The following RBFOX1 variants were observed in gnomAD, a reference collection of about 807,000 sequenced individuals.
RBFOX1 encodes RNA binding protein fox-1 homolog 1.
RBFOX1 carries 8 observed loss-of-function variants against 57.7 expected under a neutral mutation model. The ratio of observed to expected loss-of-function variants is 0.14; its 90% CI spans 0.08 to 0.25. The LOEUF (loss-of-function observed/expected upper bound fraction) is 0.25. RBFOX1 is among the 10% of genes least tolerant of loss of function. The pLI, the probability that RBFOX1 is intolerant of heterozygous loss-of-function variation, is 1.00. For synonymous variants in RBFOX1, 326 were observed against 222.4 expected, an observed-to-expected ratio of 1.47 and a Z score of -4.15; for missense variants, 611 against 548.5, an observed-to-expected ratio of 1.11 and a Z score of -1.14.
intron 1 of RBFOX1, among the ~76,000 whole-genome samples, chr16:6,061,288 T>A (rs2095683029): frequency 6.6e-6 from 1 of 152,114 alleles, no homozygotes; most frequent in South Asian, 2.1e-4. Context: ...ATAACTAAGC[T>A]ATAATAAGCA....
intron 2 of RBFOX1, among the ~76,000 whole-genome samples, chr16:6,553,247 T>C (rs891926418): frequency 1.3e-5 from 2 of 152,202 alleles, no homozygotes; most frequent in African/African-American, 4.8e-5. Context: ...GTCATCACTA[T>C]AAATCAATAG....
intron 5 of RBFOX1, 40 bp downstream of exon 5, chr16:7,518,429 A>G (rs375953811): frequency 1.8e-5 from 29 of 1,569,172 alleles, no homozygotes; most frequent in East Asian, 9.0e-5. Context: ...GGTTATGGGG[A>G]GGCGCCCCCA....
In RBFOX1 at chr16:5,884,895, T is replaced by C. The variant is rs546139071; in HGVS notation, c.351+17560T>C. On this transcript the variant is annotated intron_variant, in intron 4 of 19. Coordinates refer to the RBFOX1 transcript ENST00000641259. ...GGAGTGTCTTTCTCCCATTTTGCCA[T>C]AGTCTGGTGCACTCAGAATCTCTTT... is the stretch of plus-strand genomic sequence containing the variant. Among the ~76,000 whole-genome samples, 7 of 152,282 alleles carry C rather than the reference T, an allele frequency of 4.6e-5. No homozygotes were observed. The East Asian group carries it at 1.4e-3, about 30-fold the overall frequency.
At position 7,035,551 on chromosome 16, in the gene RBFOX1, T is replaced by G. The variant is rs558976931; in HGVS notation, c.-15-16506T>G. ...CACTCAGTTTCTTTCTGAACGCTACTTGTGAAAATATTTTCTTTCTGAAGG... is the reference window on the plus strand; with the variant it reads ...CACTCAGTTTCTTTCTGAACGCTACGTGTGAAAATATTTTCTTTCTGAAGG... On this transcript the variant is annotated intron_variant, in intron 3 of 15. Transcript: ENST00000550418. Among the ~76,000 whole-genome samples, 5 of 152,338 alleles carry G rather than the reference T, an allele frequency of 3.3e-5. No individual in the cohort carries two copies. The South Asian group carries it at 1.0e-3, about 32-fold the overall frequency.
intron 3 of RBFOX1, among the ~76,000 whole-genome samples, chr16:6,709,100 C>T (rs17141016): frequency 3.9e-5 from 6 of 151,972 alleles, no homozygotes; most frequent in Admixed American, 6.6e-5. Context: ...TAAAATAATA[C>T]AGCTTATGTC....
intron 3 of RBFOX1, among the ~76,000 whole-genome samples, chr16:6,843,732 C>T (rs577740282): frequency 2.0e-5 from 3 of 152,102 alleles, no homozygotes; most frequent in Admixed American, 6.6e-5. Context: ...CAGGTAGTTC[C>T]TTTTCACATA....
At chr16:6,706,942 A>G (rs2062858667) in intron 3 of RBFOX1, among the ~76,000 whole-genome samples, 1 of 152,156 alleles carries the variant, frequency 6.6e-6, no homozygotes, top group African/African-American at 2.4e-5. Flanking sequence ...AGTCACTTAA[A>G]AGAAAACCAT....
intron 4 of RBFOX1, among the ~76,000 whole-genome samples, chr16:7,390,318 C>T (rs991629157): frequency 3.9e-5 from 6 of 152,198 alleles, no homozygotes; most frequent in African/African-American, 1.2e-4. Flanking sequence ...TTTCCCATAA[C>T]AATAGAGAGA....
At chr16:7,344,631 C>G (rs541253479) in intron 4 of RBFOX1, among the ~76,000 whole-genome samples, 1 of 151,872 alleles carries the variant, frequency 6.6e-6, no homozygotes, top group East Asian at 1.9e-4. Context: ...ACAAGTTACT[C>G]CATTGGGGAT....
At chr16:6,979,704 T>G (rs1162339193) in intron 3 of RBFOX1, among the ~76,000 whole-genome samples, 1 of 152,206 alleles carries the variant, frequency 6.6e-6, no homozygotes, top group Non-Finnish European at 1.5e-5. Context: ...GGCGTTATTA[T>G]GCTTATAAAT....
chr16:6,251,799 C>G (rs2097615395), intron 1 of RBFOX1, among the ~76,000 whole-genome samples: 1 of 152,044 alleles, frequency 6.6e-6, no homozygotes, highest in African/African-American at 2.4e-5. Flanking sequence ...CACTTCGGGA[C>G]TTCTCAAAGC....
At chr16:5,512,418 TTCTCTC>T (rs201793017) in intron 2 of RBFOX1, among the ~76,000 whole-genome samples, 1 of 129,586 alleles carries the variant, frequency 7.7e-6, no homozygotes, top group Non-Finnish European at 1.6e-5. Flanking sequence ...TCCTCTCTCT[TTCTCTC>T]TCTCTCTCTG....
chr16:7,566,604 T>C (rs1445725335), intron 5 of RBFOX1, among the ~76,000 whole-genome samples: 1 of 152,190 alleles, frequency 6.6e-6, no homozygotes, highest in Non-Finnish European at 1.5e-5. Flanking sequence ...AAATAAGGCA[T>C]GGAAAACACC....
chr16:5,691,542 G>A (rs1333920299), intron 3 of RBFOX1, among the ~76,000 whole-genome samples: 1 of 152,152 alleles, frequency 6.6e-6, no homozygotes, highest in Non-Finnish European at 1.5e-5. Context: ...AAAATGCCTA[G>A]GACTAGAAGT....
intron 3 of RBFOX1, among the ~76,000 whole-genome samples, chr16:6,942,189 A>T (rs547912572): frequency 1.3e-5 from 2 of 152,174 alleles, no homozygotes; most frequent in African/African-American, 4.8e-5. Context: ...CAGTGAGCCA[A>T]GATGGCACCA....
chr16:6,315,306 G>T (rs2080933381), intron 1 of RBFOX1, among the ~76,000 whole-genome samples: 1 of 152,000 alleles, frequency 6.6e-6, no homozygotes, highest in South Asian at 2.1e-4. Context: ...TAGTTAAATG[G>T]GGGACAGATG....
intron 2 of RBFOX1, among the ~76,000 whole-genome samples, chr16:6,520,970 T>C (rs559637206): frequency 6.6e-6 from 1 of 151,914 alleles, no homozygotes; most frequent in East Asian, 2.0e-4. Flanking sequence ...GCTTCGCCAC[T>C]AGAGAGATGT....
chr16:6,443,360 T>C (rs978808849), intron 2 of RBFOX1, among the ~76,000 whole-genome samples: 1 of 151,952 alleles, frequency 6.6e-6, no homozygotes, highest in Non-Finnish European at 1.5e-5. Context: ...GCCCCTTGTT[T>C]TATAAAAATA....
At chr16:7,307,831 G>A (rs1889637166) in intron 4 of RBFOX1, among the ~76,000 whole-genome samples, 1 of 152,194 alleles carries the variant, frequency 6.6e-6, no homozygotes, top group African/African-American at 2.4e-5. Flanking sequence ...AGTCCTTGGA[G>A]CAACTGGCTT....
Sources: gnomAD v4.1 joint callset for allele counts (sites outside exome capture counted in the v4.1 genomes callset) on GRCh38, gnomAD v4.1.1 for gene constraint, MANE v1.5 for transcripts, NCBI Gene and HGNC (gene_info 2026-07-23, HGNC 2026-07-21) for gene names.